Variants in EFCAB13 observed in about 807,000 individuals in gnomAD.
EFCAB13 encodes EF-hand calcium-binding domain-containing protein 13.
EFCAB13 carries 91 observed loss-of-function variants against 110.2 expected under a neutral mutation model. The ratio of observed to expected loss-of-function variants is 0.83; its 90% CI spans 0.70 to 0.98. The LOEUF (loss-of-function observed/expected upper bound fraction) is 0.98. Among genes scored for constraint, EFCAB13 ranks in the 50% least tolerant of loss-of-function variants. The pLI is 0.00. For missense variants in EFCAB13, 968 were observed against 1,119.4 expected (o/e 0.86, Z 1.93); for synonymous variants, 323 against 369.9 (o/e 0.87, Z 1.45).
chr17:47,385,023 G>A (rs369386915), intron 14 of EFCAB13, among the ~76,000 whole-genome samples: 11 of 152,058 alleles, frequency 7.2e-5, no homozygotes, highest in Admixed American at 2.6e-4. Context: ...CGCCCGCCTC[G>A]GGCTCCCAAA....
chr17:47,344,198 G>A lies in EFCAB13; in HGVS notation c.340G>A (p.Val114Met), dbSNP rs748861760. Residue 114 changes from valine (V) to methionine (M), a missense_variant, in exon 7 of 25, where the codon GTG becomes ATG. Transcript: ENST00000331493. Reference sequence around the variant, plus strand: ...TTTTCTGAAGCTGTCAAAGGAGAAGGTGACAAGGAAAGAAAACTCTTTATG... The same window carrying A: ...TTTTCTGAAGCTGTCAAAGGAGAAGATGACAAGGAAAGAAAACTCTTTATG... ...PPFLKLSKEKVTRKENSLCKL... is the reference protein window; with the variant it reads ...PPFLKLSKEKMTRKENSLCKL... The A allele has an allele frequency of 6.2e-7, 1 of 1,613,132 alleles. No homozygotes were observed. Among genetic ancestry groups the A allele is most frequent in the Middle Eastern group, 1.7e-4 (1 of 6,052 alleles).
intron 4 of EFCAB13, among the ~76,000 whole-genome samples, chr17:47,330,674 C>T (rs892497460): frequency 5.3e-5 from 8 of 151,802 alleles, no homozygotes; most frequent in Non-Finnish European, 7.4e-5. Context: ...GTATATATAC[C>T]ACATTTTCTT....
chr17:47,382,050 TCTC>T (rs2065649869), intron 14 of EFCAB13, among the ~76,000 whole-genome samples: 1 of 152,180 alleles, frequency 6.6e-6, no homozygotes, highest in South Asian at 2.1e-4. Context: ...GGTTTGCAGT[TCTC>T]CTTGAAGAGG....
At chr17:47,328,159 A>G (rs901743221) in intron 3 of EFCAB13, 110 bp from the exon 4 acceptor site, 8 of 607,644 alleles carry the variant, frequency 1.3e-5, no homozygotes, top group East Asian at 8.4e-5. Flanking sequence ...AATGTTGTGT[A>G]TCATACCCCA....
At chr17:47,338,200 A>G (rs1235820321) in intron 5 of EFCAB13, among the ~76,000 whole-genome samples, 4 of 151,904 alleles carry the variant, frequency 2.6e-5, no homozygotes, top group African/African-American at 7.3e-5. Context: ...GTGACTCATT[A>G]ATGGGTAATG....
chr17:47,408,824 A>G (rs936382708), intron 20 of EFCAB13, among the ~76,000 whole-genome samples: 4 of 152,054 alleles, frequency 2.6e-5, no homozygotes, highest in Admixed American at 1.3e-4. Context: ...AACATCCTAC[A>G]ATTTACAGGA....
At chr17:47,368,258 G>A (rs1377850645) in intron 10 of EFCAB13, among the ~76,000 whole-genome samples, 1 of 152,214 alleles carries the variant, frequency 6.6e-6, no homozygotes, top group Non-Finnish European at 1.5e-5. Context: ...GATGAGAATG[G>A]TGGTCTTTGT....
At chr17:47,324,748 A>G (rs2065270896) in intron 2 of EFCAB13, among the ~76,000 whole-genome samples, 1 of 151,882 alleles carries the variant, frequency 6.6e-6, no homozygotes, top group Non-Finnish European at 1.5e-5. Flanking sequence ...ATACAGAGTC[A>G]TGCTTCAGTG....
chr17:47,335,608 C>T (rs1006860867), intron 5 of EFCAB13, among the ~76,000 whole-genome samples: 1 of 152,156 alleles, frequency 6.6e-6, no homozygotes, highest in South Asian at 2.1e-4. Flanking sequence ...TAAAGAACTA[C>T]TTGAGACTAC....
chr17:47,370,840 C>T lies in EFCAB13; in HGVS notation c.877+332C>T, dbSNP rs530916817. On this transcript the variant is annotated intron_variant, in intron 11 of 24. Transcript: ENST00000331493. ...CACTGCAACCTCTGCCTCCTGGGCT[C>T]AAGTGATTCTCCTGCCTCAGCCTCC... Among the ~76,000 whole-genome samples the T allele has an allele frequency of 4.0e-5, 6 of 149,766 alleles. No homozygotes were observed. In the East Asian group the frequency reaches 1.2e-3, roughly 30 times the overall value.
chr17:47,400,777 G>C (rs2065774602), intron 17 of EFCAB13, among the ~76,000 whole-genome samples: 1 of 152,020 alleles, frequency 6.6e-6, no homozygotes, highest in South Asian at 2.1e-4. Context: ...AGATTCAGAG[G>C]GGACTCCATT....
In EFCAB13 at chr17:47,370,747, T is replaced by G. The variant is rs548108249; in HGVS notation, c.877+239T>G. On this transcript the variant is annotated intron_variant, in intron 11 of 24. Coordinates refer to ENST00000331493, the MANE Select transcript of EFCAB13 (RefSeq NM_152347.5). Reference sequence around the variant, plus strand: ...GTTGTTGTTGTTGTTTGTTTTTTTTTTTTTTTTTTTTGAGGCGGAGTTTTG... The same window carrying G: ...GTTGTTGTTGTTGTTTGTTTTTTTTGTTTTTTTTTTTGAGGCGGAGTTTTG... Among the ~76,000 whole-genome samples, 943 of 149,522 alleles carry G rather than the reference T, an allele frequency of 6.3e-3. 8 individuals carry two copies. Among genetic ancestry groups the G allele is most frequent in the African/African-American group, 0.02 (834 of 40,954 alleles).
At chr17:47,346,444 C>CCA (rs66572914) in intron 8 of EFCAB13, among the ~76,000 whole-genome samples, 1 of 138,126 alleles carries the variant, frequency 7.2e-6, no homozygotes, top group Non-Finnish European at 1.6e-5. Flanking sequence ...CCCCCCCCCC[C>CCA]ATTTATCTGA....
In EFCAB13 at chr17:47,395,828, C is replaced by T. The variant is rs199837501; in HGVS notation, c.1802-6C>T. On this transcript the variant is annotated splice_polypyrimidine_tract_variant and splice_region_variant and intron_variant, in intron 16 of 24. Coordinates refer to ENST00000331493, the MANE Select transcript of EFCAB13 (RefSeq NM_152347.5). ...TCGTAAAACTTGTGTTTTATCTACC[C>T]TTTAGTATTGCCTGATGCTATTGAA... The T allele has an allele frequency of 2.5e-6, 4 of 1,594,112 alleles. No homozygotes were observed. The highest frequency in any genetic ancestry group is 3.4e-5 in the Admixed American group (2 of 58,634).
Position 47,379,228 on chromosome 17 carries a change from G to A in EFCAB13, c.1557G>A (p.Lys519=). ...ELDDFVNALA[K]ERSFPECNAL... is the part of the protein sequence containing the mutation. ...ATGACTTTGTAAATGCTCTCGCCAA[G>A]GAGCGAAGTTTTCCTGAATGCAATG... The change falls in exon 14 of 25, where the codon AAG becomes AAA. Residue 519 remains lysine, a synonymous_variant. Transcript: ENST00000331493. 2 of 1,613,474 alleles carry A rather than the reference G, an allele frequency of 1.2e-6. No individual in the cohort carries two copies. Among genetic ancestry groups the A allele is most frequent in the Non-Finnish European group, 8.5e-7 (1 of 1,179,598 alleles).
intron 9 of EFCAB13, among the ~76,000 whole-genome samples, chr17:47,349,435 G>A (rs989851373): frequency 2.0e-5 from 3 of 152,172 alleles, no homozygotes; most frequent in African/African-American, 7.2e-5. Context: ...GAGCACTGCA[G>A]TATCTACAGT....
chr17:47,438,132 G>T (rs575514049), intron 24 of EFCAB13, among the ~76,000 whole-genome samples: 1 of 152,178 alleles, frequency 6.6e-6, no homozygotes, highest in African/African-American at 2.4e-5. Flanking sequence ...ACCTTGTAGG[G>T]TTTCTACTGA....
At chr17:47,398,975 G>A (rs747256540) in intron 17 of EFCAB13, among the ~76,000 whole-genome samples, 12 of 152,202 alleles carry the variant, frequency 7.9e-5, no homozygotes, top group Non-Finnish European at 1.2e-4. Flanking sequence ...CCAGGCTGGA[G>A]TGCAGTGGCG....
intron 17 of EFCAB13, among the ~76,000 whole-genome samples, chr17:47,400,433 C>A (rs983679475): frequency 6.6e-6 from 1 of 152,174 alleles, no homozygotes; most frequent in East Asian, 1.9e-4. Context: ...TCTATTTCAG[C>A]AAGTTGTATG....
Sources: allele counts gnomAD v4.1 joint callset (sites outside exome capture counted in the v4.1 genomes callset), GRCh38; gene constraint gnomAD v4.1.1; transcripts MANE v1.5; gene names NCBI Gene and HGNC (gene_info 2026-07-23, HGNC 2026-07-21).